The following MTARC2 variants were observed in gnomAD, a reference collection of about 807,000 sequenced individuals.
MTARC2 encodes the protein mitochondrial amidoxime reducing component 2.
In MTARC2, 27 loss-of-function variants were observed where a neutral mutation model predicts 35.6. That is an observed-to-expected ratio of 0.76 (90% confidence interval 0.56 to 1.04). MTARC2 has a LOEUF of 1.04. Ranked by LOEUF, MTARC2 falls within the 50% of genes least tolerant of loss-of-function variation. MTARC2 has a pLI of 0.00. For missense variants in MTARC2, 412 were observed against 432.5 expected, an observed-to-expected ratio of 0.95 and a Z score of 0.42; for synonymous variants, 158 against 167.1, an observed-to-expected ratio of 0.95 and a Z score of 0.42.
chr1:220,776,198 C>T (rs1194644394), intron 4 of MTARC2, among the ~76,000 whole-genome samples: 1 of 152,086 alleles, frequency 6.6e-6, no homozygotes, highest in Non-Finnish European at 1.5e-5. Context: ...TATTTTTTGA[C>T]TTTTTAGTGA....
At chr1:220,751,128 G>C (rs1213686966) in intron 1 of MTARC2, among the ~76,000 whole-genome samples, 1 of 152,188 alleles carries the variant, frequency 6.6e-6, no homozygotes, top group Non-Finnish European at 1.5e-5. Context: ...AGAGTTCAGG[G>C]AAAGGCCTCA....
intron 4 of MTARC2, among the ~76,000 whole-genome samples, chr1:220,774,500 G>A (rs146404726): frequency 2.1e-3 from 326 of 152,184 alleles, no homozygotes; most frequent in Middle Eastern, 3.4e-3. Context: ...ACAATTGTGC[G>A]TACAACACAA....
chr1:220,748,786 C>T lies in MTARC2; in HGVS notation c.255C>T (p.Ser85=). The part of the protein sequence containing the change: ...EAECTAMGLR[S]GNLRDRFWLV... ...AGTGCACGGCCATGGGGCTGCGCAG[C>T]GGCAACCTGCGGGACAGGTACAGCA... Residue 85 remains serine, a synonymous_variant, in exon 1 of 8, where the codon AGC becomes AGT. Transcript: ENST00000366913. The T allele has an allele frequency of 6.3e-7, 1 of 1,593,560 alleles. No homozygotes were observed. Among genetic ancestry groups the T allele is most frequent in the Admixed American group, 1.7e-5 (1 of 57,860 alleles).
chr1:220,769,934 CAAAA>C (rs57739324), intron 4 of MTARC2, among the ~76,000 whole-genome samples: 7 of 63,424 alleles, frequency 1.1e-4, no homozygotes, highest in East Asian at 6.9e-4. Context: ...ACTAAAAATA[CAAAA>C]AAAAAAAAAA....
intron 2 of MTARC2, among the ~76,000 whole-genome samples, chr1:220,761,182 C>A (rs562856766): frequency 6.6e-6 from 1 of 152,234 alleles, no homozygotes; most frequent in East Asian, 1.9e-4. Context: ...CAATTTACAA[C>A]TGAAGACAGG....
At position 220,780,184 on chromosome 1, in the gene MTARC2, G is replaced by T. The variant is rs754860361; in HGVS notation, c.829G>T (p.Val277Leu). 1.2e-6 allele frequency: 2 copies of T among 1,612,884 alleles called. No individual in the cohort carries two copies. Among genetic ancestry groups the T allele is most frequent in the Non-Finnish European group, 1.7e-6 (2 of 1,179,636 alleles). Residue 277 changes from valine (V) to leucine (L), a missense_variant, in exon 6 of 8, where the codon GTG (valine) becomes TTG (leucine). Transcript: ENST00000366913. ...MACPRCILTT[V>L]DPDTGVIDRK... ...GCATAACAGGTGTATTTTGACAACG[G>T]TGGACCCAGACACTGGAGTCATAGA...
chr1:220,758,459 G>C (rs1243563975), intron 2 of MTARC2, among the ~76,000 whole-genome samples: 1 of 132,584 alleles, frequency 7.5e-6, no homozygotes, highest in African/African-American at 2.8e-5. Flanking sequence ...CGCTCTTGTT[G>C]CCCGGGCTAG....
chr1:220,760,849 G>T (rs1407625908), intron 2 of MTARC2, among the ~76,000 whole-genome samples: 1 of 151,984 alleles, frequency 6.6e-6, no homozygotes, highest in East Asian at 1.9e-4. Flanking sequence ...ATAAAAAGAG[G>T]AATAATACAA....
intron 4 of MTARC2, among the ~76,000 whole-genome samples, chr1:220,769,176 G>C (rs1430269961): frequency 6.6e-6 from 1 of 152,232 alleles, no homozygotes; most frequent in East Asian, 1.9e-4. Context: ...GGGCAAGAGG[G>C]AGTGAAAGAT....
intron 2 of MTARC2, among the ~76,000 whole-genome samples, chr1:220,759,382 G>A (rs1462595606): frequency 6.6e-6 from 1 of 152,208 alleles, no homozygotes; most frequent in African/African-American, 2.4e-5. Context: ...GTAGAAGAGA[G>A]TGGACTTTGC....
chr1:220,754,502 A>G (rs1671223248), intron 1 of MTARC2: 3 of 450,196 alleles, frequency 6.7e-6, no homozygotes, highest in Non-Finnish European at 1.3e-5. Context: ...CCTTTGTCTC[A>G]GACTCAAACT....
intron 4 of MTARC2, among the ~76,000 whole-genome samples, chr1:220,776,018 T>C (rs1671897563): frequency 6.6e-6 from 1 of 152,250 alleles, no homozygotes; most frequent in Non-Finnish European, 1.5e-5. Flanking sequence ...GGTAGAATGA[T>C]TTATATTCCT....
chr1:220,771,295 T>TAAAAAAAAAAAAAA (rs1671737093), intron 4 of MTARC2, among the ~76,000 whole-genome samples: 1 of 37,734 alleles, frequency 2.7e-5, no homozygotes, highest in African/African-American at 3.5e-4. Context: ...TGAGACTGTC[T>TAAAAAAAAAAAAAA]CAAAAAAAAA....
intron 4 of MTARC2, among the ~76,000 whole-genome samples, chr1:220,769,881 G>A (rs1406624161): frequency 7.4e-6 from 1 of 135,574 alleles, no homozygotes; most frequent in Non-Finnish European, 1.5e-5. Flanking sequence ...ACAAGGTTAG[G>A]AGATCGAGAC....
chr1:220,775,374 ATCAC>A (rs1671872743), intron 4 of MTARC2, among the ~76,000 whole-genome samples: 1 of 151,998 alleles, frequency 6.6e-6, no homozygotes, highest in African/African-American at 2.4e-5. Flanking sequence ...GTTTTATCCC[ATCAC>A]TCTAAGTAAA....
chr1:220,780,047 T>C lies in MTARC2; in HGVS notation c.780T>C (p.Ser260=), dbSNP rs777663144. ...CCTGGGATGAACTCCTAATTGGTAGTGTAGAAGTGAAAAAGGTAATGGCAT... is the reference window on the plus strand; with the variant it reads ...CCTGGGATGAACTCCTAATTGGTAGCGTAGAAGTGAAAAAGGTAATGGCAT... ...EDTWDELLIG[S]VEVKKVMACP... The change falls in exon 5 of 8, where the codon AGT becomes AGC. Residue 260 remains serine (S), a synonymous_variant. Coordinates refer to ENST00000366913, the MANE Select transcript of MTARC2 (RefSeq NM_017898.5). The C allele has an allele frequency of 1.9e-6, 3 of 1,547,468 alleles. No individual in the cohort carries two copies. The highest frequency in any genetic ancestry group is 1.4e-5 in the African/African-American group (1 of 70,814).
chr1:220,758,483 G>A (rs1336946720), intron 2 of MTARC2, among the ~76,000 whole-genome samples: 11 of 149,772 alleles, frequency 7.3e-5, no homozygotes. Flanking sequence ...GCGATGGCAC[G>A]ATCTCAGCTC....
chr1:220,755,130 T>C lies in MTARC2; in HGVS notation c.446+10T>C, dbSNP rs768910785. 134 of 1,592,162 alleles carry C rather than the reference T, an allele frequency of 8.4e-5. 2 individuals carry two copies. The South Asian group carries it at 1.5e-3, about 18-fold the overall frequency. On this transcript the variant is annotated intron_variant, in intron 2 of 7. Coordinates refer to ENST00000366913, the MANE Select transcript of MTARC2 (RefSeq NM_017898.5). ...AACTCCACAACTGCAGGTGTTCCGC[T>C]TGGGGGCATCCACAGAACTGCAACA...
chr1:220,779,273 T>C (rs1352691688), intron 4 of MTARC2, among the ~76,000 whole-genome samples: 2 of 152,202 alleles, frequency 1.3e-5, no homozygotes, highest in African/African-American at 2.4e-5. Context: ...TGTGCACATA[T>C]AAACATATAT....
Sources: allele counts gnomAD v4.1 joint callset (sites outside exome capture counted in the v4.1 genomes callset), GRCh38; gene constraint gnomAD v4.1.1; transcripts MANE v1.5; gene names NCBI Gene and HGNC (gene_info 2026-07-23, HGNC 2026-07-21).